GRM8: variants seen among roughly 807,000 people sequenced by gnomAD.
GRM8 encodes glutamate metabotropic receptor 8.
Under a neutral mutation model 87.2 loss-of-function variants are expected in GRM8, and 47 were observed. That is an observed-to-expected ratio of 0.54 (90% CI 0.43 to 0.69). The LOEUF (loss-of-function observed/expected upper bound fraction) is 0.69, where lower values mean the gene tolerates loss of function less well. Among genes scored for constraint, GRM8 ranks in the 30% least tolerant of loss-of-function variants. The probability of loss-of-function intolerance (pLI) is 0.00; values close to 1 mark genes in which losing one functional copy is unlikely to be tolerated. For synonymous variants in GRM8, 396 were observed against 404.5 expected (o/e 0.98, Z 0.25); for missense variants, 1,019 against 1,139.2 (o/e 0.89, Z 1.52).
chr7:127,220,018 C>A (rs1796820542), intron 2 of GRM8, among the ~76,000 whole-genome samples: 1 of 152,232 alleles, frequency 6.6e-6, no homozygotes, highest in South Asian at 2.1e-4. Context: ...CCGCCCCAAC[C>A]TACTGAATCT....
chr7:126,546,495 G>A (rs779086458), intron 8 of GRM8, among the ~76,000 whole-genome samples: 22 of 152,148 alleles, frequency 1.4e-4, no homozygotes, highest in Non-Finnish European at 2.9e-4. Context: ...TAAAATAATC[G>A]TCCAAGTGAA....
chr7:126,878,281 C>T (rs1799705725), intron 6 of GRM8, among the ~76,000 whole-genome samples: 1 of 152,202 alleles, frequency 6.6e-6, no homozygotes, highest in Non-Finnish European at 1.5e-5. Context: ...ATTTCCCCAA[C>T]ATCTCTGAGG....
intron 3 of GRM8, among the ~76,000 whole-genome samples, chr7:127,071,618 G>A (rs2132681592): frequency 6.6e-6 from 1 of 152,226 alleles, no homozygotes; most frequent in African/African-American, 2.4e-5. Context: ...ACCCTTCCTG[G>A]CAACTCAGAC....
intron 2 of GRM8, among the ~76,000 whole-genome samples, chr7:127,208,375 C>T (rs986911755): frequency 2.6e-5 from 4 of 152,166 alleles, no homozygotes; most frequent in African/African-American, 9.6e-5. Flanking sequence ...ACCCCTTCCT[C>T]CCTCAAAGTG....
At chr7:126,638,631 G>C (rs1802079616) in intron 7 of GRM8, among the ~76,000 whole-genome samples, 1 of 152,194 alleles carries the variant, frequency 6.6e-6, no homozygotes, top group Non-Finnish European at 1.5e-5. Context: ...GTACCATAGA[G>C]AGGGCCAGCA....
chr7:126,991,269 A>G (rs1472925183), intron 3 of GRM8, among the ~76,000 whole-genome samples: 3 of 151,976 alleles, frequency 2.0e-5, no homozygotes, highest in Non-Finnish European at 4.4e-5. Flanking sequence ...CTCTTTAATC[A>G]TTGAAGGAAA....
intron 2 of GRM8, among the ~76,000 whole-genome samples, chr7:127,202,080 G>A (rs1021351562): frequency 2.0e-5 from 3 of 151,992 alleles, no homozygotes; most frequent in Non-Finnish European, 4.4e-5. Context: ...CTTGGATTTA[G>A]AATGTACATG....
Position 127,164,019 on chromosome 7 carries a change from G to A in GRM8, c.511-57307C>T, listed in dbSNP as rs1793288500. 6.6e-5 allele frequency among the ~76,000 whole-genome samples: 10 copies of A among 152,218 alleles called. No homozygotes were observed. The South Asian group carries it at 2.1e-3, about 32-fold the overall frequency. ...CAATGTTGGAAGTGAGGCCTGGCAG[G>A]AGGTGATTAGATCTGGAACTGAATT... On this transcript the variant is annotated intron_variant, in intron 2 of 10. Transcript: ENST00000339582.
At chr7:126,948,366 G>T (rs1807775937) in intron 3 of GRM8, among the ~76,000 whole-genome samples, 1 of 150,236 alleles carries the variant, frequency 6.7e-6, no homozygotes, top group Admixed American at 6.7e-5. Context: ...ACATGCAAAG[G>T]CATTTAAACA....
At chr7:126,571,185 T>C (rs1197312662) in intron 8 of GRM8, among the ~76,000 whole-genome samples, 1 of 152,124 alleles carries the variant, frequency 6.6e-6, no homozygotes, top group East Asian at 1.9e-4. Context: ...TCATTACTAA[T>C]ACAAGAAATT....
chr7:126,827,664 A>C (rs555630623), intron 6 of GRM8, among the ~76,000 whole-genome samples: 2 of 152,164 alleles, frequency 1.3e-5, no homozygotes, highest in African/African-American at 4.8e-5. Flanking sequence ...CTGCAAACAG[A>C]GACAATTTGA....
chr7:126,548,051 G>T (rs1226968275), intron 8 of GRM8, among the ~76,000 whole-genome samples: 2 of 152,090 alleles, frequency 1.3e-5, no homozygotes, highest in East Asian at 3.9e-4. Flanking sequence ...GCAGTCAAGG[G>T]AGATCCTAGG....
intron 8 of GRM8, among the ~76,000 whole-genome samples, chr7:126,607,067 A>G (rs1798433859): frequency 6.6e-6 from 1 of 152,226 alleles, no homozygotes; most frequent in Non-Finnish European, 1.5e-5. Flanking sequence ...CCTATCTTAG[A>G]CCTTGTCAAA....
chr7:127,165,493 C>T (rs1189494086), intron 2 of GRM8, among the ~76,000 whole-genome samples: 1 of 151,932 alleles, frequency 6.6e-6, no homozygotes, highest in Non-Finnish European at 1.5e-5. Context: ...CATCGTAAAC[C>T]TTCAGCATGC....
At chr7:127,066,686 G>A (rs933487101) in intron 3 of GRM8, among the ~76,000 whole-genome samples, 1 of 152,078 alleles carries the variant, frequency 6.6e-6, no homozygotes, top group African/African-American at 2.4e-5. Flanking sequence ...ATTTGAAACT[G>A]TATATTATTA....
intron 8 of GRM8, among the ~76,000 whole-genome samples, chr7:126,553,462 T>A (rs1246701192): frequency 1.3e-5 from 2 of 152,210 alleles, no homozygotes; most frequent in African/African-American, 2.4e-5. Context: ...GCCAGCTTTG[T>A]GACCTTGTCT....
At chr7:126,754,193 G>A (rs545614640) in intron 7 of GRM8, among the ~76,000 whole-genome samples, 1 of 151,768 alleles carries the variant, frequency 6.6e-6, no homozygotes. Context: ...TTATCAAATA[G>A]AATACCTAAA....
chr7:127,151,539 T>C (rs1018359218), intron 2 of GRM8, among the ~76,000 whole-genome samples: 11 of 152,092 alleles, frequency 7.2e-5, no homozygotes, highest in African/African-American at 2.7e-4. Context: ...CAACGTTTTC[T>C]ACAGTTCACA....
At chr7:127,242,557 C>T (rs990008800) in intron 2 of GRM8, 138 bp downstream of exon 2, 3 of 702,700 alleles carry the variant, frequency 4.3e-6, no homozygotes, top group Non-Finnish European at 7.2e-6. Flanking sequence ...TATAGAATGT[C>T]CCATTTGAGG....
Sources: allele counts gnomAD v4.1 joint callset (sites outside exome capture counted in the v4.1 genomes callset), GRCh38; gene constraint gnomAD v4.1.1; transcripts MANE v1.5; gene names NCBI Gene and HGNC (gene_info 2026-07-23, HGNC 2026-07-21).